CACNG5: variants seen among roughly 807,000 people sequenced by gnomAD.
CACNG5 encodes voltage-dependent calcium channel gamma-5 subunit.
In CACNG5, 18 loss-of-function variants were observed where a neutral mutation model predicts 24.8. That is an observed-to-expected ratio of 0.73 (90% CI 0.50 to 1.08). The LOEUF (loss-of-function observed/expected upper bound fraction) is 1.08, where lower values mean the gene tolerates loss of function less well. Among genes scored for constraint, CACNG5 ranks in the 50% least tolerant of loss-of-function variants. The pLI, the probability that CACNG5 is intolerant of heterozygous loss-of-function variation, is 0.00. For missense variants in CACNG5, 349 were observed against 367.9 expected, an observed-to-expected ratio of 0.95 and a Z score of 0.42; for synonymous variants, 157 against 149.1, an observed-to-expected ratio of 1.05 and a Z score of -0.39.
intron 1 of CACNG5, among the ~76,000 whole-genome samples, chr17:66,869,286 G>T (rs1050947406): frequency 2.0e-5 from 3 of 152,072 alleles, no homozygotes; most frequent in African/African-American, 7.2e-5. Context: ...ATTTCACCAA[G>T]TTGGCCAGGC....
At position 66,887,411 on chromosome 17, in the gene CACNG5, C is replaced by T. The variant is rs1347425707; in HGVS notation, c.*2171C>T. ...TATAAACTGATAGCAACTGCAAGGC[C>T]CCCCTCCCTCTCCACTGGCACCCTT... On this transcript the variant is annotated 3_prime_UTR_variant, in exon 6 of 6. Transcript: ENST00000533854. Among the ~76,000 whole-genome samples the T allele has an allele frequency of 2.0e-5, 3 of 151,720 alleles. No homozygotes were observed. The highest frequency in any genetic ancestry group is 1.3e-4 in the Admixed American group (2 of 15,204).
chr17:66,855,592 C>T (rs1193269557), intron 1 of CACNG5, among the ~76,000 whole-genome samples: 4 of 152,160 alleles, frequency 2.6e-5, no homozygotes, highest in African/African-American at 9.7e-5. Flanking sequence ...GTTGCGATCT[C>T]GGTTCACTGC....
At chr17:66,883,140 T>TATC (rs1977188817) in intron 4 of CACNG5, among the ~76,000 whole-genome samples, 1 of 152,236 alleles carries the variant, frequency 6.6e-6, no homozygotes. Flanking sequence ...CCAGGAATGT[T>TATC]ATCAGCCCAG....
chr17:66,894,667 T>C lies in CACNG5; in HGVS notation c.*9427T>C, dbSNP rs965487888. ...CAACCATTCAGATGTGTTTAATATA[T>C]ATATTTTTGTTTCTATGTGCTCCTT... On this transcript the variant is annotated 3_prime_UTR_variant, in exon 6 of 6. Transcript: ENST00000533854. Among the ~76,000 whole-genome samples, 2 of 152,270 alleles carry C rather than the reference T, an allele frequency of 1.3e-5. No individual in the cohort carries two copies. Among genetic ancestry groups the C allele is most frequent in the Admixed American group, 1.3e-4 (2 of 15,288 alleles).
intron 1 of CACNG5, among the ~76,000 whole-genome samples, chr17:66,849,403 G>A (rs1445059320): frequency 6.6e-6 from 1 of 152,182 alleles, no homozygotes; most frequent in Non-Finnish European, 1.5e-5. Context: ...GGGCAGGAAC[G>A]CAGAAGGCAG....
At chr17:66,866,666 G>A (rs1976934699) in intron 1 of CACNG5, among the ~76,000 whole-genome samples, 1 of 151,996 alleles carries the variant, frequency 6.6e-6, no homozygotes, top group Admixed American at 6.6e-5. Flanking sequence ...TCCCCTCCCT[G>A]TGTCCATGTG....
chr17:66,885,288 C>T lies in CACNG5; in HGVS notation c.*48C>T. The T allele has an allele frequency of 7.2e-6, 11 of 1,526,048 alleles. No homozygotes were observed. The highest frequency in any genetic ancestry group is 9.6e-6 in the Non-Finnish European group (11 of 1,144,196). The allele number at this position is 1,526,048 out of a possible 1,614,324, so 94.5% of individuals were successfully genotyped here. A position where few individuals can be genotyped will look rare whatever the true frequency, so the allele number is the denominator to read the frequency against. The stretch of plus-strand genomic sequence containing the variant: ...GACTGTGGGTGGCCAGACAACCCTT[C>T]CTGTTCTCTCCAGGTGACCCCTGAG... On this transcript the variant is annotated 3_prime_UTR_variant, in exon 6 of 6. Transcript: ENST00000533854.
In CACNG5 at chr17:66,890,882, C is replaced by T. The variant is rs1977333692; in HGVS notation, c.*5642C>T. On this transcript the variant is annotated 3_prime_UTR_variant, in exon 6 of 6. Transcript: ENST00000533854. Reference sequence around the variant, plus strand: ...GTAGACTCCTCCCAGCCCCTGCCTCCTGATGGAGGCACCCAGATGACAACA... The same window carrying T: ...GTAGACTCCTCCCAGCCCCTGCCTCTTGATGGAGGCACCCAGATGACAACA... Among the ~76,000 whole-genome samples, 2 of 152,186 alleles carry T rather than the reference C, an allele frequency of 1.3e-5. No homozygotes were observed. The highest frequency in any genetic ancestry group is 2.4e-5 in the African/African-American group (1 of 41,434).
intron 5 of CACNG5, 74 bp downstream of exon 5, chr17:66,884,735 G>A (rs781214774): frequency 3.1e-6 from 5 of 1,613,928 alleles, no homozygotes; most frequent in Admixed American, 1.7e-5. Context: ...GAGTGGGGAT[G>A]GGGGAGAAGG....
At chr17:66,845,894 A>C (rs1976633597) in intron 1 of CACNG5, among the ~76,000 whole-genome samples, 1 of 152,210 alleles carries the variant, frequency 6.6e-6, no homozygotes, top group Non-Finnish European at 1.5e-5. Flanking sequence ...TCTGGGAGGC[A>C]GGGAGCCACC....
intron 1 of CACNG5, among the ~76,000 whole-genome samples, chr17:66,856,038 G>C (rs1320492565): frequency 1.3e-5 from 2 of 152,156 alleles, no homozygotes; most frequent in Admixed American, 1.3e-4. Context: ...CTACATAATA[G>C]TCCCTTGAGT....
chr17:66,845,582 T>G (rs1325579254), intron 1 of CACNG5, among the ~76,000 whole-genome samples: 1 of 152,106 alleles, frequency 6.6e-6, no homozygotes, highest in Admixed American at 6.6e-5. Flanking sequence ...TCCTTGTCTG[T>G]GCTCCCGTGG....
chr17:66,862,890 C>CTGTGTGTGTG (rs1568067061), intron 1 of CACNG5, among the ~76,000 whole-genome samples: 1 of 85,106 alleles, frequency 1.2e-5, no homozygotes, highest in African/African-American at 3.8e-5. Context: ...CCAGCATATT[C>CTGTGTGTGTG]TCTGTGTGTG....
intron 2 of CACNG5, among the ~76,000 whole-genome samples, chr17:66,878,039 T>A (rs1476894573): frequency 6.6e-6 from 1 of 152,176 alleles, no homozygotes; most frequent in East Asian, 1.9e-4. Context: ...CCTCACTCCA[T>A]AAAATGGCAC....
chr17:66,849,364 A>C (rs113940947), intron 1 of CACNG5, among the ~76,000 whole-genome samples: 1 of 151,990 alleles, frequency 6.6e-6, no homozygotes, highest in African/African-American at 2.4e-5. Flanking sequence ...GGAGGCCAGC[A>C]GGCCCGATGG....
chr17:66,841,717 C>T (rs1215526544), intron 1 of CACNG5, among the ~76,000 whole-genome samples: 1 of 152,164 alleles, frequency 6.6e-6, no homozygotes, highest in Non-Finnish European at 1.5e-5. Flanking sequence ...TGAGCTTAGA[C>T]AAGTCCCCAC....
chr17:66,884,916 ACCCCAGCCAAGGGAGATGAGGCAGG>A (rs1977230380), intron 5 of CACNG5, 42 bp from the exon 6 acceptor site: 2 of 1,613,534 alleles, frequency 1.2e-6, no homozygotes, highest in Non-Finnish European at 1.7e-6. Context: ...TCCTGTGCAG[ACCCCAGCCAAGGGAGATGAGGCAGG>A]CCCCAGCAGC....
chr17:66,842,836 C>A (rs1464403161), intron 1 of CACNG5, among the ~76,000 whole-genome samples: 1 of 152,172 alleles, frequency 6.6e-6, no homozygotes, highest in Non-Finnish European at 1.5e-5. Flanking sequence ...AGGTGATGTG[C>A]CTACAAGGAC....
chr17:66,851,132 C>T (rs558743778), intron 1 of CACNG5, among the ~76,000 whole-genome samples: 9 of 152,210 alleles, frequency 5.9e-5, no homozygotes, highest in Non-Finnish European at 1.3e-4. Context: ...TAGATCTGCC[C>T]AGATTCTCTA....
Sources: allele counts gnomAD v4.1 joint callset (sites outside exome capture counted in the v4.1 genomes callset), GRCh38; gene constraint gnomAD v4.1.1; transcripts MANE v1.5; gene names NCBI Gene and HGNC (gene_info 2026-07-23, HGNC 2026-07-21).